DCAF10: variants seen among roughly 807,000 people sequenced by gnomAD.
DCAF10 encodes DDB1- and CUL4-associated factor 10.
Under a neutral mutation model 51.9 loss-of-function variants are expected in DCAF10, and 19 were observed. That is an observed-to-expected ratio of 0.37 (90% CI 0.26 to 0.54). The LOEUF (loss-of-function observed/expected upper bound fraction) is 0.54, where lower values mean the gene tolerates loss of function less well. Ranked by LOEUF, DCAF10 falls within the 20% of genes least tolerant of loss-of-function variation. The probability of loss-of-function intolerance (pLI) is 0.87; values close to 1 mark genes in which losing one functional copy is unlikely to be tolerated. For missense variants in DCAF10, 510 were observed against 730.6 expected (o/e 0.70, Z 3.48); for synonymous variants, 291 against 297.1 (o/e 0.98, Z 0.21).
intron 2 of DCAF10, among the ~76,000 whole-genome samples, chr9:37,824,171 G>A (rs937260452): frequency 9.9e-5 from 15 of 152,060 alleles, no homozygotes; most frequent in East Asian, 3.9e-4. Flanking sequence ...ATCAGGCACC[G>A]TGCCCAGTCA....
At chr9:37,836,137 T>C (rs994389102) in intron 2 of DCAF10, 17 of 1,359,188 alleles carry the variant, frequency 1.3e-5, no homozygotes, top group African/African-American at 7.1e-5. Flanking sequence ...CCAAGGAAAA[T>C]AGAGCGATTT....
At chr9:37,832,126 G>C (rs1830025602) in intron 2 of DCAF10, 1 of 151,122 alleles carries the variant, frequency 6.6e-6, no homozygotes, top group Non-Finnish European at 1.5e-5. Context: ...TGAGGCAGGA[G>C]AATCGCTTGA....
chr9:37,812,451 A>G (rs1050490538), intron 1 of DCAF10, among the ~76,000 whole-genome samples: 1 of 152,122 alleles, frequency 6.6e-6, no homozygotes, highest in African/African-American at 2.4e-5. Flanking sequence ...TGCAGAAACA[A>G]TGGAAGTCAA....
At chr9:37,820,659 A>C (rs1199724988) in intron 2 of DCAF10, among the ~76,000 whole-genome samples, 1 of 152,204 alleles carries the variant, frequency 6.6e-6, no homozygotes, top group East Asian at 1.9e-4. Context: ...AAATGTCATT[A>C]TAAGGCCTAG....
intron 2 of DCAF10, 38 bp from the exon 3 acceptor site, chr9:37,842,051 A>C: frequency 1.3e-6 from 2 of 1,576,536 alleles, no homozygotes; most frequent in Non-Finnish European, 8.6e-7. Flanking sequence ...TTAAAAAGAG[A>C]TTAAATGAAC....
intron 5 of DCAF10, among the ~76,000 whole-genome samples, chr9:37,859,474 T>C (rs1830951141): frequency 6.6e-6 from 1 of 152,236 alleles, no homozygotes; most frequent in African/African-American, 2.4e-5. Context: ...TGATTGGCAA[T>C]GTCTCCCATC....
At chr9:37,817,626 A>G (rs1337075673) in intron 1 of DCAF10, among the ~76,000 whole-genome samples, 1 of 151,312 alleles carries the variant, frequency 6.6e-6, no homozygotes, top group East Asian at 1.9e-4. Context: ...AGAGTCTGGG[A>G]CTGGTGGTTC....
At position 37,842,255 on chromosome 9, in the gene DCAF10, G is replaced by A; in HGVS notation, c.820G>A (p.Asp274Asn). The change falls in exon 3 of 7, where the codon GAT becomes AAT. Residue 274 changes from aspartate to asparagine, a missense_variant. Asp to Asn is a conservative substitution (Grantham distance 23, BLOSUM62 1). This residue lies in a region of DCAF10 where 126 missense variants were observed against 271.5 expected (regional missense o/e 0.46). Transcript: ENST00000377724. ...AAGACTCTTAGTAACATCAGGATTT[G>A]ATGGAAATGTCATTATTTGGGACAC... is the stretch of plus-strand genomic sequence containing the variant. ...NTRLLVTSGF[D>N]GNVIIWDTNR... is the part of the protein sequence containing the mutation. 6.2e-7 allele frequency: 1 copy of A among 1,613,618 alleles called. No individual in the cohort carries two copies. The highest frequency in any genetic ancestry group is 8.5e-7 in the Non-Finnish European group (1 of 1,179,824).
chr9:37,857,450 A>T, intron 5 of DCAF10, 99 bp downstream of exon 5: 1 of 892,188 alleles, frequency 1.1e-6, no homozygotes, highest in Non-Finnish European at 1.6e-6. Context: ...TTTAATCCAT[A>T]AAAATAAAAG....
chr9:37,858,671 A>C lies in DCAF10; in HGVS notation c.1165+1320A>C, dbSNP rs546320000. Among the ~76,000 whole-genome samples the C allele has an allele frequency of 7.9e-5, 12 of 152,294 alleles. No homozygotes were observed. The South Asian group carries it at 2.5e-3, about 32-fold the overall frequency. Reference sequence around the variant, plus strand: ...TGGGAGAAGGTGGGGCTTATAGGTGAAGTTGCTCTAAATGTTGGAAATCCT... The same window carrying C: ...TGGGAGAAGGTGGGGCTTATAGGTGCAGTTGCTCTAAATGTTGGAAATCCT... On this transcript the variant is annotated intron_variant, in intron 5 of 6. Coordinates refer to ENST00000377724, the MANE Select transcript of DCAF10 (RefSeq NM_024345.5).
intron 2 of DCAF10, among the ~76,000 whole-genome samples, chr9:37,825,921 G>C (rs1031317022): frequency 6.6e-6 from 1 of 152,070 alleles, no homozygotes; most frequent in Non-Finnish European, 1.5e-5. Context: ...TGTAATCCCA[G>C]CTACCCAGGA....
chr9:37,855,384 T>C (rs572066664), intron 4 of DCAF10, among the ~76,000 whole-genome samples: 2 of 152,348 alleles, frequency 1.3e-5, no homozygotes, highest in Admixed American at 1.3e-4. Flanking sequence ...GTTTTAGTTT[T>C]ATCTGTATCC....
chr9:37,853,041 T>C (rs1830730288), intron 3 of DCAF10, among the ~76,000 whole-genome samples: 1 of 149,622 alleles, frequency 6.7e-6, no homozygotes, highest in South Asian at 2.1e-4. Context: ...AATTTTATTT[T>C]TTTTAAAGGC....
rs1173095098 is a variant in DCAF10, at chr9:37,865,411, G to A, written c.*3903G>A. 6.6e-6 allele frequency: 1 copy of A among 152,152 alleles called. No individual in the cohort carries two copies. The highest frequency in any genetic ancestry group is 1.5e-5 in the Non-Finnish European group (1 of 68,026). The allele number at this position is 152,152 out of a possible 1,614,324, so 9.4% of individuals were successfully genotyped here. A position where few individuals can be genotyped will look rare whatever the true frequency, so the allele number is the denominator to read the frequency against. ...ATTAAAGGGCATTAGGAATGCTATA[G>A]TATTGGAAGAAATTACATCTTAACA... On this transcript the variant is annotated 3_prime_UTR_variant, in exon 7 of 7. Coordinates refer to ENST00000377724, the MANE Select transcript of DCAF10 (RefSeq NM_024345.5).
In DCAF10 at chr9:37,867,640, G is replaced by C. The variant is rs537186764; in HGVS notation, c.*6132G>C. On this transcript the variant is annotated 3_prime_UTR_variant, in exon 7 of 7. Coordinates refer to ENST00000377724, the MANE Select transcript of DCAF10 (RefSeq NM_024345.5). The stretch of plus-strand genomic sequence containing the variant: ...GTACAGGACTTGACACAGAGTAGTT[G>C]TTCAATAAATATTTGTTGAATGAAT... 6.6e-6 allele frequency: 1 copy of C among 152,238 alleles called. No homozygotes were observed. The highest frequency in any genetic ancestry group is 2.1e-4 in the South Asian group (1 of 4,824). 9.4% of individuals were successfully genotyped at this position (152,238 alleles called of 1,614,324 possible). A position where few individuals can be genotyped will look rare whatever the true frequency, so the allele number is the denominator to read the frequency against.
intron 4 of DCAF10, among the ~76,000 whole-genome samples, chr9:37,855,713 G>T (rs983890991): frequency 1.1e-4 from 17 of 152,172 alleles, no homozygotes; most frequent in African/African-American, 4.1e-4. Flanking sequence ...TTAAAAGGCA[G>T]CTTTGAATGG....
intron 2 of DCAF10, among the ~76,000 whole-genome samples, chr9:37,839,048 AT>A (rs374481907): frequency 8.1e-5 from 12 of 148,256 alleles, no homozygotes; most frequent in East Asian, 7.8e-4. Context: ...TTGGTGATGG[AT>A]TTTTTTTTTC....
At chr9:37,826,999 A>G (rs1028696498) in intron 2 of DCAF10, among the ~76,000 whole-genome samples, 5 of 151,306 alleles carry the variant, frequency 3.3e-5, no homozygotes, top group Admixed American at 6.6e-5. Flanking sequence ...CTAATTTTGT[A>G]TTTTTTAGTA....
chr9:37,848,402 A>G (rs951768035), intron 3 of DCAF10, among the ~76,000 whole-genome samples: 2 of 152,240 alleles, frequency 1.3e-5, no homozygotes, highest in Admixed American at 1.3e-4. Flanking sequence ...ACGAACAAAT[A>G]ATTGATACAT....
Sources: gnomAD v4.1 joint callset for allele counts (sites outside exome capture counted in the v4.1 genomes callset) on GRCh38, gnomAD v4.1.1 for gene constraint, gnomAD v4.1.1 regional missense constraint, MANE v1.5 for transcripts, NCBI Gene and HGNC (gene_info 2026-07-23, HGNC 2026-07-21) for gene names.